Variants in GALNT5 observed in about 807,000 individuals in gnomAD.
GALNT5 encodes UDP-GalNAc:polypeptide N-acetylgalactosaminyltransferase 5.
Under a neutral mutation model 85.4 loss-of-function variants are expected in GALNT5, and 72 were observed. The observed-to-expected ratio is 0.84, with a 90% confidence interval of 0.70 to 1.03. The LOEUF (loss-of-function observed/expected upper bound fraction) is 1.03. Ranked by LOEUF, GALNT5 falls within the 50% of genes least tolerant of loss-of-function variation. The pLI, the probability that GALNT5 is intolerant of heterozygous loss-of-function variation, is 0.00. For synonymous variants in GALNT5, 404 were observed against 397.0 expected, an observed-to-expected ratio of 1.02 and a Z score of -0.21; for missense variants, 1,137 against 1,135.5, an observed-to-expected ratio of 1.00 and a Z score of -0.02.
rs978971294 is a variant in GALNT5 at position 157,314,108 on chromosome 2, T to C, written c.*2760T>C. 1.3e-5 allele frequency: 2 copies of C among 152,036 alleles called. No individual in the cohort carries two copies. Among genetic ancestry groups the C allele is most frequent in the Non-Finnish European group, 2.9e-5 (2 of 67,996 alleles). The allele number at this position is 152,036 out of a possible 1,614,324, so 9.4% of individuals were successfully genotyped here. ...TCTGGTAATTCTAGTGATAAACCTT[T>C]GGATGAGACAGGTCCTAATCAGCAC... is the stretch of plus-strand genomic sequence containing the variant. On this transcript the variant is annotated 3_prime_UTR_variant, in exon 10 of 10. Transcript: ENST00000259056.
In GALNT5 at chr2:157,300,948, G is replaced by A. The variant is rs61730012; in HGVS notation, c.2388G>A (p.Leu796=). The part of the protein sequence containing the change: ...KLKCKSFKWY[L]ENVFPDLRAP... ...AGTGCAAAAGTTTCAAATGGTACTTGGAGAATGTCTTTCCTGACTTAAGGG... is the reference window on the plus strand; with the variant it reads ...AGTGCAAAAGTTTCAAATGGTACTTAGAGAATGTCTTTCCTGACTTAAGGG... The change falls in exon 7 of 10, where the codon TTG becomes TTA. Residue 796 remains leucine, a synonymous_variant. Coordinates refer to ENST00000259056, the MANE Select transcript of GALNT5 (RefSeq NM_014568.3). 1.2e-3 allele frequency: 1,874 copies of A among 1,614,098 alleles called. 19 individuals carry two copies. In the African/African-American group the frequency reaches 0.023, roughly 19 times the overall value.
At chr2:157,289,732 CA>C (rs1683054084) in intron 3 of GALNT5, among the ~76,000 whole-genome samples, 1 of 151,750 alleles carries the variant, frequency 6.6e-6, no homozygotes, top group Admixed American at 6.6e-5. Context: ...ATTAATTACC[CA>C]AAAAGGAAAG....
chr2:157,302,939 T>A (rs966245312), intron 7 of GALNT5, among the ~76,000 whole-genome samples: 4 of 152,254 alleles, frequency 2.6e-5, no homozygotes, highest in African/African-American at 7.2e-5. Flanking sequence ...TTAACATTTT[T>A]AAAAAATTAG....
Position 157,258,512 on chromosome 2 carries a change from AC to A in GALNT5, c.431del (p.Thr144LysfsTer31). 1 of 1,611,792 alleles carries A rather than the reference AC, an allele frequency of 6.2e-7. No homozygotes were observed. Among genetic ancestry groups the A allele is most frequent in the Non-Finnish European group, 8.5e-7 (1 of 1,179,410 alleles). ...CCCTGTGACTCCTAACAAGCAGAAG[AC>A]AGACGGGAGAGGCACCAAACCTGAA... ...TLPVTPNKQK[T>X]DGRGTKPEAS... On this transcript the variant is annotated frameshift_variant, in exon 1 of 10. Transcript: ENST00000259056. LOFTEE classifies it high-confidence loss of function.
chr2:157,269,627 G>T (rs901058590), intron 1 of GALNT5, among the ~76,000 whole-genome samples: 4 of 152,030 alleles, frequency 2.6e-5, no homozygotes, highest in African/African-American at 4.8e-5. Flanking sequence ...ACATAATCGG[G>T]GGAATAGAGG....
intron 1 of GALNT5, among the ~76,000 whole-genome samples, chr2:157,267,125 T>C (rs1188836400): frequency 6.6e-6 from 1 of 152,176 alleles, no homozygotes; most frequent in African/African-American, 2.4e-5. Context: ...AAGCTAAACC[T>C]GTCCTGGGAG....
chr2:157,311,276 C>A lies in GALNT5; in HGVS notation c.2751C>A (p.Ile917=). Residue 917 remains isoleucine, a synonymous_variant, in exon 10 of 10, where the codon ATC becomes ATA. Coordinates refer to ENST00000259056, the MANE Select transcript of GALNT5 (RefSeq NM_014568.3). The part of the protein sequence containing the change: ...LCLEGNFSQK[I]LKVAACDPVK... ...TGGAAGGAAATTTTTCTCAAAAGAT[C>A]CTGAAAGTAGCTGCCTGTGACCCAG... 6 of 1,610,248 alleles carry A rather than the reference C, an allele frequency of 3.7e-6. No individual in the cohort carries two copies. The highest frequency in any genetic ancestry group is 5.1e-6 in the Non-Finnish European group (6 of 1,177,164).
At chr2:157,278,169 T>G (rs961080400) in intron 1 of GALNT5, among the ~76,000 whole-genome samples, 1 of 152,258 alleles carries the variant, frequency 6.6e-6, no homozygotes, top group African/African-American at 2.4e-5. Context: ...GTCTGGCTTG[T>G]AGAGTTTCTG....
Position 157,300,887 on chromosome 2 carries a change from A to G in GALNT5, c.2327A>G (p.Asn776Ser), listed in dbSNP as rs767488558. Residue 776 changes from asparagine to serine, a missense_variant, in exon 7 of 10, where the codon AAC (asparagine) becomes AGC (serine). By Grantham distance (46) the Asn-to-Ser change is conservative. Transcript: ENST00000259056. ...ATCGACCAAGGGCTAGATGTTGGCA[A>G]CCTCACCCAGCAAAGGGAGCTGCGA... The part of the protein sequence containing the change: ...HLIDQGLDVG[N>S]LTQQRELRKK... The G allele has an allele frequency of 6.2e-7, 1 of 1,613,966 alleles. No homozygotes were observed. Among genetic ancestry groups the G allele is most frequent in the Non-Finnish European group, 8.5e-7 (1 of 1,179,886 alleles).
chr2:157,297,081 ACTT>A (rs1683228630), intron 5 of GALNT5, among the ~76,000 whole-genome samples: 1 of 152,184 alleles, frequency 6.6e-6, no homozygotes, highest in Non-Finnish European at 1.5e-5. Flanking sequence ...GCTTCCTATT[ACTT>A]CTTCAGAATA....
intron 1 of GALNT5, among the ~76,000 whole-genome samples, chr2:157,273,741 C>G (rs1161567778): frequency 7.1e-6 from 1 of 141,152 alleles, no homozygotes; most frequent in African/African-American, 2.6e-5. Context: ...CTCTGGGGTT[C>G]AAGCAATTCT....
chr2:157,285,494 GC>G (rs1481512554), intron 2 of GALNT5, among the ~76,000 whole-genome samples: 1 of 152,164 alleles, frequency 6.6e-6, no homozygotes, highest in Non-Finnish European at 1.5e-5. Context: ...CATAAACATA[GC>G]TCATAAAGCC....
intron 9 of GALNT5, among the ~76,000 whole-genome samples, 185 bp from the exon 10 acceptor site, chr2:157,311,023 G>A (rs961885740): frequency 6.6e-6 from 1 of 152,156 alleles, no homozygotes; most frequent in Non-Finnish European, 1.5e-5. Context: ...TGATTACTTA[G>A]TCTGAGACAG....
At chr2:157,277,578 C>T (rs1308580453) in intron 1 of GALNT5, among the ~76,000 whole-genome samples, 1 of 152,196 alleles carries the variant, frequency 6.6e-6, no homozygotes, top group African/African-American at 2.4e-5. Flanking sequence ...TATGTAATGG[C>T]CTTCTTTGTC....
intron 1 of GALNT5, among the ~76,000 whole-genome samples, chr2:157,274,727 T>TTAG (rs1203105414): frequency 6.6e-5 from 10 of 152,230 alleles, no homozygotes; most frequent in Admixed American, 2.6e-4. Flanking sequence ...ATTCTGGATA[T>TTAG]TAGCCCTTTG....
At chr2:157,300,251 A>G (rs1245839411) in intron 6 of GALNT5, among the ~76,000 whole-genome samples, 2 of 152,170 alleles carry the variant, frequency 1.3e-5, no homozygotes, top group African/African-American at 4.8e-5. Context: ...AAAAGGGTGT[A>G]ATTTTGGAGC....
chr2:157,265,613 C>T (rs1013315737), intron 1 of GALNT5, among the ~76,000 whole-genome samples: 1 of 152,284 alleles, frequency 6.6e-6, no homozygotes, highest in African/African-American at 2.4e-5. Context: ...GTTTAACCAT[C>T]AGCATAATAT....
intron 7 of GALNT5, among the ~76,000 whole-genome samples, chr2:157,303,830 C>T (rs115415802): frequency 5.3e-5 from 8 of 152,272 alleles, no homozygotes; most frequent in African/African-American, 1.9e-4. Flanking sequence ...AAAATAGACA[C>T]AAATAGTTAA....
At chr2:157,268,871 T>A (rs1409200638) in intron 1 of GALNT5, among the ~76,000 whole-genome samples, 2 of 152,184 alleles carry the variant, frequency 1.3e-5, no homozygotes, top group Non-Finnish European at 2.9e-5. Context: ...GTATAATAAA[T>A]AGGCATATAG....
Sources: allele counts gnomAD v4.1 joint callset (sites outside exome capture counted in the v4.1 genomes callset), GRCh38; gene constraint gnomAD v4.1.1; transcripts MANE v1.5; gene names NCBI Gene and HGNC (gene_info 2026-07-23, HGNC 2026-07-21).